The following MSL2 variants were observed in gnomAD, a reference collection of about 807,000 sequenced individuals.
MSL2 encodes MSL complex subunit 2.
A neutral mutation model predicts 35.8 loss-of-function variants in MSL2; 2 were observed. The observed-to-expected ratio is 0.06, with a 90% CI of 0.02 to 0.18. MSL2 has a LOEUF of 0.18. MSL2 is among the 10% of genes least tolerant of loss of function. The pLI, the probability that MSL2 is intolerant of heterozygous loss-of-function variation, is 1.00. For synonymous variants in MSL2, 296 were observed against 255.7 expected, an observed-to-expected ratio of 1.16 and a Z score of -1.50; for missense variants, 523 against 706.7, an observed-to-expected ratio of 0.74 and a Z score of 2.95.
At chr3:136,152,800 G>C in intron 1 of MSL2, 62 bp from the exon 2 acceptor site, 1 of 1,561,144 alleles carries the variant, frequency 6.4e-7, no homozygotes, top group Non-Finnish European at 8.7e-7. Context: ...TTCATAAACT[G>C]AAGTTTAGAT....
At chr3:136,165,790 G>C (rs111381509) in intron 1 of MSL2, among the ~76,000 whole-genome samples, 5 of 151,978 alleles carry the variant, frequency 3.3e-5, no homozygotes, top group African/African-American at 9.7e-5. Context: ...AAAAGAAATA[G>C]AAAGAATGAA....
intron 1 of MSL2, among the ~76,000 whole-genome samples, chr3:136,182,167 G>A (rs963435693): frequency 1.4e-4 from 21 of 152,126 alleles, no homozygotes; most frequent in South Asian, 2.1e-4. Flanking sequence ...CAATAAGGAA[G>A]CCATTACACT....
chr3:136,166,208 G>T (rs1241066624), intron 1 of MSL2, among the ~76,000 whole-genome samples: 2 of 151,748 alleles, frequency 1.3e-5, no homozygotes, highest in African/African-American at 2.4e-5. Flanking sequence ...GGACAACATG[G>T]TCCAGGCTGT....
intron 1 of MSL2, among the ~76,000 whole-genome samples, chr3:136,158,259 C>T (rs1230511607): frequency 6.6e-6 from 1 of 151,334 alleles, no homozygotes; most frequent in Non-Finnish European, 1.5e-5. Context: ...CTGCGGTGAG[C>T]CGAGATCATG....
chr3:136,185,520 CT>C (rs1316861762), intron 1 of MSL2, among the ~76,000 whole-genome samples: 2 of 101,054 alleles, frequency 2.0e-5, no homozygotes, highest in African/African-American at 7.1e-5. Context: ...GGACACAACT[CT>C]TTTTTTCTTT....
At chr3:136,153,556 G>A (rs1229445576) in intron 1 of MSL2, among the ~76,000 whole-genome samples, 1 of 152,190 alleles carries the variant, frequency 6.6e-6, no homozygotes, top group Non-Finnish European at 1.5e-5. Context: ...GGGAGGCTGA[G>A]GTGGGCGGAT....
chr3:136,191,399 T>TA (rs1265511361), intron 1 of MSL2, among the ~76,000 whole-genome samples: 2 of 147,070 alleles, frequency 1.4e-5, no homozygotes, highest in Non-Finnish European at 3.0e-5. Context: ...ACCCAGGAGG[T>TA]AGAGGTTGCA....
At chr3:136,191,287 T>G (rs1940682739) in intron 1 of MSL2, among the ~76,000 whole-genome samples, 1 of 151,776 alleles carries the variant, frequency 6.6e-6, no homozygotes, top group African/African-American at 2.4e-5. Flanking sequence ...GCCAACATGG[T>G]GAAACCCCGT....
At chr3:136,193,083 T>C (rs1940736279) in intron 1 of MSL2, among the ~76,000 whole-genome samples, 1 of 152,120 alleles carries the variant, frequency 6.6e-6, no homozygotes. Flanking sequence ...GTCAGAAAAA[T>C]TCCCCTTGTG....
At chr3:136,184,064 G>C (rs1472562504) in intron 1 of MSL2, among the ~76,000 whole-genome samples, 1 of 152,190 alleles carries the variant, frequency 6.6e-6, no homozygotes, top group Non-Finnish European at 1.5e-5. Context: ...GGGAGGCAAA[G>C]GCGGGCGGAT....
intron 1 of MSL2, among the ~76,000 whole-genome samples, chr3:136,173,887 C>G (rs1258186991): frequency 6.6e-6 from 1 of 152,240 alleles, no homozygotes; most frequent in African/African-American, 2.4e-5. Context: ...ATACTCCATT[C>G]TCACCCACCA....
At position 136,195,765 on chromosome 3, in the gene MSL2, G is replaced by C. The variant is rs1940826236; in HGVS notation, c.-652C>G. 1 of 985,046 alleles carries C rather than the reference G, an allele frequency of 1.0e-6. No individual in the cohort carries two copies. The highest frequency in any genetic ancestry group is 6.2e-5 in the Admixed American group (1 of 16,254). The allele number at this position is 985,046 out of a possible 1,614,324, so 61.0% of individuals were successfully genotyped here. A position where few individuals can be genotyped will look rare whatever the true frequency, so the allele number is the denominator to read the frequency against. On this transcript the variant is annotated 5_prime_UTR_variant, in exon 1 of 2. Transcript: ENST00000309993. Reference sequence around the variant, plus strand: ...AGACTGCGCCCTGGCTCTCCGCCCCGTGGGTTGCAGCCCGCAGTTCCCCGA... The same window carrying C: ...AGACTGCGCCCTGGCTCTCCGCCCCCTGGGTTGCAGCCCGCAGTTCCCCGA...
intron 1 of MSL2, 140 bp from the exon 2 acceptor site, chr3:136,152,878 T>C: frequency 7.0e-7 from 1 of 1,437,976 alleles, no homozygotes; most frequent in Non-Finnish European, 9.1e-7. Context: ...AAATATATCT[T>C]AGAAGAAACG....
At chr3:136,187,239 A>G (rs1312948194) in intron 1 of MSL2, among the ~76,000 whole-genome samples, 1 of 152,244 alleles carries the variant, frequency 6.6e-6, no homozygotes, top group Non-Finnish European at 1.5e-5. Flanking sequence ...AATACATTTC[A>G]AATTAAAATG....
intron 1 of MSL2, among the ~76,000 whole-genome samples, chr3:136,175,570 C>T (rs1940150001): frequency 6.6e-6 from 1 of 151,860 alleles, no homozygotes; most frequent in Non-Finnish European, 1.5e-5. Context: ...GCCTGTGGTC[C>T]CAGCTACTAA....
Position 136,195,393 on chromosome 3 carries a change from C to A in MSL2, c.-280G>T, listed in dbSNP as rs931712959. 8 of 1,162,926 alleles carry A rather than the reference C, an allele frequency of 6.9e-6. No individual in the cohort carries two copies. Among genetic ancestry groups the A allele is most frequent in the Non-Finnish European group, 8.5e-6 (8 of 941,192 alleles). 72.0% of individuals were successfully genotyped at this position (1,162,926 alleles called of 1,614,324 possible). A position where few individuals can be genotyped will look rare whatever the true frequency, so the allele number is the denominator to read the frequency against. On this transcript the variant is annotated 5_prime_UTR_variant, in exon 1 of 2. Coordinates refer to ENST00000309993, the MANE Select transcript of MSL2 (RefSeq NM_018133.4). ...TCCGGAGCGACCACAGAGCGCAGAA[C>A]GCGGCGGCTTGGGCGCTCGGGGCGG...
At chr3:136,169,441 G>C (rs1200743576) in intron 1 of MSL2, among the ~76,000 whole-genome samples, 1 of 151,918 alleles carries the variant, frequency 6.6e-6, no homozygotes, top group Non-Finnish European at 1.5e-5. Flanking sequence ...GGTTTTGGTG[G>C]GTTGTTTGTT....
intron 1 of MSL2, among the ~76,000 whole-genome samples, chr3:136,177,092 C>T (rs138806800): frequency 6.6e-6 from 1 of 152,108 alleles, no homozygotes; most frequent in African/African-American, 2.4e-5. Context: ...TAAACCTCCA[C>T]CCACTTTATT....
At chr3:136,158,732 G>A (rs779666831) in intron 1 of MSL2, among the ~76,000 whole-genome samples, 4 of 152,072 alleles carry the variant, frequency 2.6e-5, no homozygotes, top group Non-Finnish European at 5.9e-5. Flanking sequence ...ACGCACACAC[G>A]CAAACTACTA....
Sources: allele counts gnomAD v4.1 joint callset (sites outside exome capture counted in the v4.1 genomes callset), GRCh38; gene constraint gnomAD v4.1.1; transcripts MANE v1.5; gene names NCBI Gene and HGNC (gene_info 2026-07-23, HGNC 2026-07-21).